Variants in KCTD16 observed in about 807,000 individuals in gnomAD.
KCTD16 encodes the protein BTB/POZ domain-containing protein KCTD16.
Under a neutral mutation model 33.2 loss-of-function variants are expected in KCTD16, and 13 were observed. That is an observed-to-expected ratio of 0.39 (90% confidence interval 0.25 to 0.62). The LOEUF (loss-of-function observed/expected upper bound fraction) is 0.62. Among genes scored for constraint, KCTD16 ranks in the 20% least tolerant of loss-of-function variants. The probability of loss-of-function intolerance (pLI) is 0.50; values close to 1 mark genes in which losing one functional copy is unlikely to be tolerated. For missense variants in KCTD16, 441 were observed against 525.1 expected (o/e 0.84, Z 1.57); for synonymous variants, 197 against 195.3 (o/e 1.01, Z -0.07).
chr5:144,312,230 T>G (rs1251798757), intron 3 of KCTD16, among the ~76,000 whole-genome samples: 2 of 152,226 alleles, frequency 1.3e-5, no homozygotes, highest in South Asian at 2.1e-4. Context: ...ATTCTGTTTA[T>G]ACGTGTTACT....
chr5:144,380,355 G>T (rs1159934971), intron 3 of KCTD16, among the ~76,000 whole-genome samples: 1 of 151,862 alleles, frequency 6.6e-6, no homozygotes, highest in South Asian at 2.1e-4. Flanking sequence ...ACAAACAAAT[G>T]GAAAAACATT....
chr5:144,431,143 GA>G (rs1163995598), intron 3 of KCTD16, among the ~76,000 whole-genome samples: 2 of 151,874 alleles, frequency 1.3e-5, no homozygotes, highest in African/African-American at 2.4e-5. Context: ...TGAGAAATTA[GA>G]AAAAAACTCA....
At chr5:144,225,592 G>GTGTGTGTGTGTA (rs1753907998) in intron 3 of KCTD16, among the ~76,000 whole-genome samples, 1 of 145,952 alleles carries the variant, frequency 6.9e-6, no homozygotes, top group African/African-American at 2.5e-5. Flanking sequence ...GTGTGTGTGT[G>GTGTGTGTGTGTA]TGTGTCTTTA....
chr5:144,393,270 G>A (rs1404061198), intron 3 of KCTD16, among the ~76,000 whole-genome samples: 1 of 152,074 alleles, frequency 6.6e-6, no homozygotes, highest in East Asian at 1.9e-4. Context: ...TGGAACTTTT[G>A]TAATTGCTTT....
At chr5:144,458,578 T>G (rs780143577) in intron 3 of KCTD16, among the ~76,000 whole-genome samples, 4 of 152,212 alleles carry the variant, frequency 2.6e-5, no homozygotes, top group Non-Finnish European at 5.9e-5. Context: ...TGTCTTAGAC[T>G]CTAGGGGAAC....
chr5:144,292,516 G>T (rs1183599656), intron 3 of KCTD16, among the ~76,000 whole-genome samples: 1 of 152,152 alleles, frequency 6.6e-6, no homozygotes, highest in Admixed American at 6.6e-5. Flanking sequence ...GAAATTGTTA[G>T]AGGTGAGCCC....
intron 3 of KCTD16, among the ~76,000 whole-genome samples, chr5:144,347,193 G>T (rs545162768): frequency 2.6e-5 from 4 of 152,246 alleles, no homozygotes; most frequent in African/African-American, 9.6e-5. Context: ...GTGGAGAGTG[G>T]ATAGAATTAT....
At chr5:144,354,994 T>C (rs1168680926) in intron 3 of KCTD16, among the ~76,000 whole-genome samples, 1 of 152,208 alleles carries the variant, frequency 6.6e-6, no homozygotes, top group Non-Finnish European at 1.5e-5. Flanking sequence ...TTTAAATGCC[T>C]TGTCTTATTT....
chr5:144,431,521 G>A (rs1753462612), intron 3 of KCTD16, among the ~76,000 whole-genome samples: 1 of 152,126 alleles, frequency 6.6e-6, no homozygotes, highest in Non-Finnish European at 1.5e-5. Context: ...TAACAGATGA[G>A]TGGCCCTTAA....
At chr5:144,225,552 T>TTGTG (rs10550980) in intron 3 of KCTD16, among the ~76,000 whole-genome samples, 6,798 of 138,258 alleles carry the variant, frequency 0.049, 193 homozygotes, top group Middle Eastern at 0.08. Flanking sequence ...CAAAAATAAA[T>TTGTG]TGTGTGTGTG....
chr5:144,191,433 CCCCTCCATATACCCCCTGACA>C (rs1480788024), intron 2 of KCTD16, among the ~76,000 whole-genome samples: 2 of 152,022 alleles, frequency 1.3e-5, no homozygotes, highest in Non-Finnish European at 2.9e-5. Flanking sequence ...AACTGCTGCT[CCCCTCCATATACCCCCTGACA>C]CACTTACACA....
chr5:144,302,364 G>T (rs1751464879), intron 3 of KCTD16, among the ~76,000 whole-genome samples: 1 of 152,188 alleles, frequency 6.6e-6, no homozygotes, highest in Admixed American at 6.5e-5. Context: ...CACAGTAAGT[G>T]TGTAATAAAT....
At chr5:144,418,246 A>T (rs951147558) in intron 3 of KCTD16, among the ~76,000 whole-genome samples, 3 of 152,162 alleles carry the variant, frequency 2.0e-5, no homozygotes, top group African/African-American at 7.2e-5. Flanking sequence ...GCAAAAGAAC[A>T]AGGCTTCCAC....
At chr5:144,410,738 G>A (rs1199316182) in intron 3 of KCTD16, among the ~76,000 whole-genome samples, 1 of 152,108 alleles carries the variant, frequency 6.6e-6, no homozygotes, top group Non-Finnish European at 1.5e-5. Context: ...TGGGAAAATA[G>A]CATTTCAGAT....
intron 3 of KCTD16, among the ~76,000 whole-genome samples, chr5:144,350,609 A>G (rs2126907359): frequency 6.6e-6 from 1 of 152,290 alleles, no homozygotes; most frequent in East Asian, 1.9e-4. Context: ...TTATAGAATT[A>G]ATGATAGACA....
intron 3 of KCTD16, among the ~76,000 whole-genome samples, chr5:144,360,933 T>G (rs1751697890): frequency 1.3e-5 from 2 of 151,980 alleles, no homozygotes; most frequent in Non-Finnish European, 2.9e-5. Context: ...CTTTAAGTTT[T>G]AGGGTACATG....
intron 3 of KCTD16, among the ~76,000 whole-genome samples, chr5:144,299,800 C>T (rs1211305575): frequency 6.6e-6 from 1 of 151,006 alleles, no homozygotes; most frequent in Non-Finnish European, 1.5e-5. Context: ...AATTGGAAAA[C>T]CTGTAATTAA....
chr5:144,303,879 G>A (rs1405711173), intron 3 of KCTD16, among the ~76,000 whole-genome samples: 13 of 152,176 alleles, frequency 8.5e-5, no homozygotes, highest in Non-Finnish European at 1.3e-4. Flanking sequence ...ACAAAAGACA[G>A]GAATTAGTTC....
intron 3 of KCTD16, among the ~76,000 whole-genome samples, chr5:144,236,761 A>G (rs1754265826): frequency 6.6e-6 from 1 of 152,126 alleles, no homozygotes. Flanking sequence ...ATCATGGGAT[A>G]AACATTGGTC....
Sources: allele counts gnomAD v4.1 joint callset (sites outside exome capture counted in the v4.1 genomes callset), GRCh38; gene constraint gnomAD v4.1.1; transcripts MANE v1.5; gene names NCBI Gene and HGNC (gene_info 2026-07-23, HGNC 2026-07-21).